The following VAC14 variants were observed in gnomAD, a reference collection of about 807,000 sequenced individuals.
The protein encoded by VAC14 is VAC14 component of PIKFYVE complex.
Under a neutral mutation model 85.3 loss-of-function variants are expected in VAC14, and 47 were observed. The observed-to-expected ratio is 0.55, with a 90% confidence interval of 0.44 to 0.70. VAC14 has a LOEUF of 0.70. Among genes scored for constraint, VAC14 ranks in the 30% least tolerant of loss-of-function variants. The probability of loss-of-function intolerance (pLI) is 0.00; values close to 1 mark genes in which losing one functional copy is unlikely to be tolerated. For synonymous variants in VAC14, 447 were observed against 430.5 expected (o/e 1.04, Z -0.47); for missense variants, 861 against 1,004.3 (o/e 0.86, Z 1.93).
At chr16:70,749,654 C>T (rs2031216730) in intron 12 of VAC14, among the ~76,000 whole-genome samples, 2 of 152,240 alleles carry the variant, frequency 1.3e-5, no homozygotes, top group South Asian at 4.1e-4. Context: ...CCTCAGTCTC[C>T]TAGAGGTGAG....
At chr16:70,731,129 TG>T in intron 14 of VAC14, 2 of 303,712 alleles carry the variant, frequency 6.6e-6, no homozygotes, top group Non-Finnish European at 5.0e-6. Flanking sequence ...AATCCCGCAC[TG>T]GGGGCTGGGC....
intron 13 of VAC14, among the ~76,000 whole-genome samples, chr16:70,743,126 G>A: frequency 6.6e-6 from 1 of 152,072 alleles, no homozygotes; most frequent in East Asian, 1.9e-4. Context: ...TCTAGCTAAA[G>A]GATTGTAAAC....
At chr16:70,690,120 C>T (rs939265289) in intron 18 of VAC14, 13 of 985,554 alleles carry the variant, frequency 1.3e-5, no homozygotes, top group African/African-American at 3.5e-5. Flanking sequence ...AAGATGGCGT[C>T]GGTGTGGCAG....
chr16:70,756,710 G>A (rs1262123724), intron 12 of VAC14, among the ~76,000 whole-genome samples: 1 of 152,180 alleles, frequency 6.6e-6, no homozygotes, highest in Admixed American at 6.5e-5. Context: ...GTACCACTGG[G>A]TTGGGGAGGC....
At chr16:70,787,956 T>C (rs558718339) in intron 1 of VAC14, among the ~76,000 whole-genome samples, 1 of 152,280 alleles carries the variant, frequency 6.6e-6, no homozygotes, top group South Asian at 2.1e-4. Flanking sequence ...ATGACACTGG[T>C]GGAGCCACTG....
chr16:70,786,034 T>C lies in VAC14; in HGVS notation c.256-165A>G, dbSNP rs2034039948. 3.0e-6 allele frequency: 4 copies of C among 1,329,764 alleles called. No individual in the cohort carries two copies. The East Asian group carries it at 7.2e-5, about 24-fold the overall frequency. The allele number at this position is 1,329,764 out of a possible 1,614,324, so 82.4% of individuals were successfully genotyped here. A position where few individuals can be genotyped will look rare whatever the true frequency, so the allele number is the denominator to read the frequency against. ...AGCCTCATTCCCAGGAGAGGGCCCA[T>C]GCCTAGGGGACCAGGCTGCAAGGCC... On this transcript the variant is annotated intron_variant, in intron 2 of 18. Transcript: ENST00000261776.
At chr16:70,755,922 T>C (rs1271010135) in intron 12 of VAC14, 2 of 434,968 alleles carry the variant, frequency 4.6e-6, no homozygotes, top group Non-Finnish European at 9.3e-6. Flanking sequence ...CCTCCCACCA[T>C]TCCTCACAGC....
intron 10 of VAC14, among the ~76,000 whole-genome samples, chr16:70,764,544 G>A (rs1048709074): frequency 6.6e-6 from 1 of 152,142 alleles, no homozygotes; most frequent in Non-Finnish European, 1.5e-5. Flanking sequence ...GAAATACAAC[G>A]CAAGTCACAG....
rs540756510 is a variant in VAC14 at position 70,790,123 on chromosome 16, T to G, written c.105-3758A>C. 7.9e-5 allele frequency among the ~76,000 whole-genome samples: 12 copies of G among 152,290 alleles called. No individual in the cohort carries two copies. The East Asian group carries it at 2.3e-3, about 29-fold the overall frequency. On this transcript the variant is annotated intron_variant, in intron 1 of 18. Coordinates refer to ENST00000261776, the MANE Select transcript of VAC14 (RefSeq NM_018052.5). ...AAAGAAGAGAGGGCTTAAGGAATAC[T>G]GTGCAAACAGAAAAAACACTTGGTA... is the stretch of plus-strand genomic sequence containing the variant.
chr16:70,707,841 A>C lies in VAC14; in HGVS notation c.1662-9030T>G, dbSNP rs544024010. 3.4e-5 allele frequency among the ~76,000 whole-genome samples: 5 copies of C among 149,230 alleles called. No individual in the cohort carries two copies. In the South Asian group the frequency reaches 1.1e-3, roughly 32 times the overall value. On this transcript the variant is annotated intron_variant, in intron 14 of 18. Coordinates refer to ENST00000261776, the MANE Select transcript of VAC14 (RefSeq NM_018052.5). Reference sequence around the variant, plus strand: ...AAGATGGAGTCTCGCTCTGTCATCCAGTGCAGTGGTGTGATCTTGGCTCGC... The same window carrying C: ...AAGATGGAGTCTCGCTCTGTCATCCCGTGCAGTGGTGTGATCTTGGCTCGC...
chr16:70,690,627 T>TA (rs1386593725), intron 18 of VAC14: 1 of 985,238 alleles, frequency 1.0e-6, no homozygotes, highest in African/African-American at 1.7e-5. Flanking sequence ...GCGAGGAGTG[T>TA]ACAAAACTCT....
intron 12 of VAC14, among the ~76,000 whole-genome samples, chr16:70,753,282 G>A (rs566859721): frequency 1.3e-5 from 2 of 152,274 alleles, no homozygotes; most frequent in African/African-American, 2.4e-5. Flanking sequence ...GTGGGGGGAC[G>A]GTCCCAGTCC....
At chr16:70,711,948 G>C (rs2054043634) in intron 14 of VAC14, among the ~76,000 whole-genome samples, 1 of 152,186 alleles carries the variant, frequency 6.6e-6, no homozygotes, top group South Asian at 2.1e-4. Flanking sequence ...AAAAAGATCA[G>C]AGTCTCAAAG....
chr16:70,707,992 T>C (rs976839368), intron 14 of VAC14, among the ~76,000 whole-genome samples: 1 of 152,190 alleles, frequency 6.6e-6, no homozygotes, highest in Non-Finnish European at 1.5e-5. Flanking sequence ...GGTTTCACCA[T>C]GTTGGCCAGG....
At chr16:70,721,244 T>C (rs371333506) in intron 14 of VAC14, among the ~76,000 whole-genome samples, 4 of 152,062 alleles carry the variant, frequency 2.6e-5, no homozygotes, top group African/African-American at 9.6e-5. Flanking sequence ...AAAGGACGTA[T>C]AGATTGACTT....
intron 14 of VAC14, chr16:70,716,682 G>C (rs2054173689): frequency 6.6e-6 from 1 of 152,398 alleles, no homozygotes; most frequent in African/African-American, 2.4e-5. Flanking sequence ...TATGGAGACA[G>C]GGCCCCAAGC....
At chr16:70,767,294 G>A (rs749500940) in intron 10 of VAC14, among the ~76,000 whole-genome samples, 3 of 152,144 alleles carry the variant, frequency 2.0e-5, no homozygotes, top group Non-Finnish European at 2.9e-5. Context: ...TTTCTGTAAC[G>A]TCTAACTTTT....
chr16:70,758,848 T>C (rs1001219514), intron 12 of VAC14, among the ~76,000 whole-genome samples: 2 of 152,220 alleles, frequency 1.3e-5, no homozygotes, highest in African/African-American at 4.8e-5. Flanking sequence ...GCCAGGAATA[T>C]TAATTTGACA....
intron 13 of VAC14, among the ~76,000 whole-genome samples, chr16:70,733,256 A>G (rs1272362157): frequency 6.6e-6 from 1 of 152,138 alleles, no homozygotes; most frequent in Admixed American, 6.5e-5. Flanking sequence ...TTTTTCACTC[A>G]GCACGTTTTC....
Sources: allele counts gnomAD v4.1 joint callset (sites outside exome capture counted in the v4.1 genomes callset), GRCh38; gene constraint gnomAD v4.1.1; transcripts MANE v1.5; gene names NCBI Gene and HGNC (gene_info 2026-07-23, HGNC 2026-07-21).